Variants in DYNC2H1 observed in about 807,000 individuals in gnomAD.
The protein encoded by DYNC2H1 is cytoplasmic dynein 2 heavy chain 1.
In DYNC2H1, 410 loss-of-function variants were observed where a neutral mutation model predicts 570.0. The ratio of observed to expected loss-of-function variants is 0.72; its 90% CI spans 0.66 to 0.78. The LOEUF is 0.78. Ranked by LOEUF, DYNC2H1 falls within the 30% of genes least tolerant of loss-of-function variation. The pLI is 0.00. For synonymous variants in DYNC2H1, 1,688 were observed against 1,677.6 expected, an observed-to-expected ratio of 1.01 and a Z score of -0.15; for missense variants, 4,865 against 5,046.4, an observed-to-expected ratio of 0.96 and a Z score of 1.09.
chr11:103,440,277 A>G (rs968105109), intron 85 of DYNC2H1, among the ~76,000 whole-genome samples: 1 of 152,124 alleles, frequency 6.6e-6, no homozygotes, highest in Non-Finnish European at 1.5e-5. Context: ...TATCTCCCCC[A>G]TTATGCTTCC....
At chr11:103,223,956 G>A (rs1183162707) in intron 59 of DYNC2H1, among the ~76,000 whole-genome samples, 3 of 151,510 alleles carry the variant, frequency 2.0e-5, no homozygotes, top group African/African-American at 4.8e-5. Context: ...CCATGTTGGC[G>A]AAGATGATCT....
intron 28 of DYNC2H1, among the ~76,000 whole-genome samples, chr11:103,160,032 T>A (rs1204529700): frequency 6.6e-6 from 1 of 152,158 alleles, no homozygotes; most frequent in Admixed American, 6.6e-5. Flanking sequence ...CCTGTGTATC[T>A]GAAGCTTTAG....
chr11:103,390,499 T>C (rs1398181368), intron 83 of DYNC2H1, among the ~76,000 whole-genome samples: 3 of 152,148 alleles, frequency 2.0e-5, no homozygotes, highest in Non-Finnish European at 4.4e-5. Flanking sequence ...CCATTTACAT[T>C]TAAGGTTAGT....
chr11:103,376,748 T>C (rs914107081), intron 83 of DYNC2H1, among the ~76,000 whole-genome samples: 8 of 149,356 alleles, frequency 5.4e-5, no homozygotes, highest in African/African-American at 2.0e-4. Flanking sequence ...AATTCCGTAT[T>C]CTTTGTTATA....
chr11:103,441,195 C>T (rs11225798), intron 85 of DYNC2H1, among the ~76,000 whole-genome samples: 4 of 151,856 alleles, frequency 2.6e-5, no homozygotes, highest in African/African-American at 4.8e-5. Flanking sequence ...AAACCCAGCT[C>T]GCTCCCTCTC....
In DYNC2H1 at chr11:103,189,311, C is replaced by A. The variant is rs1264161316; in HGVS notation, c.7293-361C>A. On this transcript the variant is annotated intron_variant, in intron 44 of 88. Coordinates refer to ENST00000375735, the MANE Select transcript of DYNC2H1 (RefSeq NM_001377.3). This position sits in a 1 kb window ranked among gnomAD's most constrained non-coding sequence, Gnocchi z 4.3. ...GATTTTATTTGTTGTATTAGTTTTA[C>A]TTTTATAGTTCTGAGGTGGATTACT... Among the ~76,000 whole-genome samples the A allele has an allele frequency of 2.0e-5, 3 of 151,754 alleles. No individual in the cohort carries two copies. The highest frequency in any genetic ancestry group is 4.4e-5 in the Non-Finnish European group (3 of 67,954).
Position 103,375,835 on chromosome 11 carries a change from G to A in DYNC2H1, c.12156+17476G>A, listed in dbSNP as rs547084355. Among the ~76,000 whole-genome samples the A allele has an allele frequency of 7.9e-5, 12 of 152,286 alleles. 1 individual carries two copies. The South Asian group carries it at 8.3e-4, about 11-fold the overall frequency. On this transcript the variant is annotated intron_variant, in intron 83 of 88. Coordinates refer to ENST00000375735, the MANE Select transcript of DYNC2H1 (RefSeq NM_001377.3). ...TGAGACTTTGGTCTTGGACTTTTGG[G>A]TAGTGCTGGAATAAGACTTTGGGGG...
At chr11:103,327,056 C>T (rs900257230) in intron 82 of DYNC2H1, among the ~76,000 whole-genome samples, 2 of 152,146 alleles carry the variant, frequency 1.3e-5, no homozygotes, top group African/African-American at 4.8e-5. Flanking sequence ...CCTCACTCAT[C>T]ACTTCCTCAG....
chr11:103,155,627 C>T, intron 25 of DYNC2H1, 126 bp downstream of exon 25: 1 of 907,770 alleles, frequency 1.1e-6, no homozygotes, highest in Non-Finnish European at 1.6e-6. Flanking sequence ...AAAAAGTAAA[C>T]AAACACAAAT....
chr11:103,416,670 A>T (rs959021485), intron 84 of DYNC2H1, among the ~76,000 whole-genome samples: 1 of 152,218 alleles, frequency 6.6e-6, no homozygotes, highest in Non-Finnish European at 1.5e-5. Flanking sequence ...AATATGGGTT[A>T]AAAACTTCAA....
intron 11 of DYNC2H1, among the ~76,000 whole-genome samples, chr11:103,123,511 C>G (rs1858828835): frequency 6.6e-6 from 1 of 152,064 alleles, no homozygotes; most frequent in South Asian, 2.1e-4. Context: ...AATTCTGGCT[C>G]TGGAGGAAAA....
At chr11:103,255,354 A>G in intron 66 of DYNC2H1, 61 bp from the exon 67 acceptor site, 1 of 1,507,022 alleles carries the variant, frequency 6.6e-7, no homozygotes, top group Non-Finnish European at 8.9e-7. Context: ...TGTTTGCAGG[A>G]AGTTTTTGTT....
intron 83 of DYNC2H1, among the ~76,000 whole-genome samples, chr11:103,383,492 G>A (rs1258666912): frequency 1.1e-5 from 1 of 87,532 alleles, no homozygotes; most frequent in Non-Finnish European, 2.3e-5. Flanking sequence ...TTTTTTTTTT[G>A]AGATGGAGTC....
intron 69 of DYNC2H1, among the ~76,000 whole-genome samples, chr11:103,259,289 T>C (rs1591486488): frequency 6.6e-6 from 1 of 152,282 alleles, no homozygotes; most frequent in South Asian, 2.1e-4. Flanking sequence ...TCCATTTCTA[T>C]GCCAAACAAT....
At chr11:103,210,434 C>T (rs590712) in intron 53 of DYNC2H1, among the ~76,000 whole-genome samples, 114,885 of 151,816 alleles carry the variant, frequency 0.76, 43,978 homozygotes, top group Admixed American at 0.83. Flanking sequence ...ATTTTTATAC[C>T]ATAGCTTATT....
At chr11:103,159,154 C>A in intron 28 of DYNC2H1, 127 bp downstream of exon 28, 2 of 660,974 alleles carry the variant, frequency 3.0e-6, no homozygotes, top group Non-Finnish European at 2.5e-6. Flanking sequence ...AGTTCCTGTA[C>A]CCAAAGAATG....
chr11:103,150,278 C>T (rs1860470385), intron 20 of DYNC2H1, among the ~76,000 whole-genome samples: 2 of 152,090 alleles, frequency 1.3e-5, no homozygotes, highest in Non-Finnish European at 2.9e-5. Flanking sequence ...TCTAGATGCT[C>T]TGTGGAAAAT....
chr11:103,298,794 A>G (rs942792612), intron 75 of DYNC2H1, among the ~76,000 whole-genome samples: 2 of 152,134 alleles, frequency 1.3e-5, no homozygotes, highest in East Asian at 3.8e-4. Context: ...AAAGATCTTT[A>G]TTAAGTTTTA....
intron 84 of DYNC2H1, among the ~76,000 whole-genome samples, chr11:103,434,424 CTT>C (rs3989922): frequency 0.18 from 25,639 of 144,498 alleles, 2,401 homozygotes; most frequent in Admixed American, 0.26. Flanking sequence ...TTTTTCCTTC[CTT>C]TTTTTTTTTT....
Sources: allele counts gnomAD v4.1 joint callset (sites outside exome capture counted in the v4.1 genomes callset), GRCh38; gene constraint gnomAD v4.1.1; non-coding constraint Gnocchi (gnomAD v3.1); transcripts MANE v1.5; gene names NCBI Gene and HGNC (gene_info 2026-07-23, HGNC 2026-07-21).